Variants in RFWD3 observed in about 807,000 individuals in gnomAD.
RFWD3 encodes the protein ring finger and WD repeat domain 3, also known as E3 ubiquitin-protein ligase RFWD3.
In RFWD3, 65 loss-of-function variants were observed where a neutral mutation model predicts 87.7. That is an observed-to-expected ratio of 0.74 (90% CI 0.61 to 0.91). The LOEUF is 0.91. Ranked by LOEUF, RFWD3 falls within the 40% of genes least tolerant of loss-of-function variation. RFWD3 has a pLI of 0.00. For synonymous variants in RFWD3, 433 were observed against 352.8 expected, an observed-to-expected ratio of 1.23 and a Z score of -2.55; for missense variants, 1,078 against 938.5, an observed-to-expected ratio of 1.15 and a Z score of -1.94.
In RFWD3 at chr16:74,623,734, T is replaced by C. The variant is rs1958834176; in HGVS notation, c.*194A>G. The stretch of plus-strand genomic sequence containing the variant: ...TAGATAAAGTACCCATCAATTACTC[T>C]TTTAGTGGACATAACAGATACACAA... On this transcript the variant is annotated 3_prime_UTR_variant, in exon 13 of 13. Transcript: ENST00000361070. 3.6e-6 allele frequency: 2 copies of C among 551,256 alleles called. No individual in the cohort carries two copies. The highest frequency in any genetic ancestry group is 3.2e-6 in the Non-Finnish European group (1 of 315,568). The allele number at this position is 551,256 out of a possible 1,614,324, so 34.1% of individuals were successfully genotyped here.
At chr16:74,629,970 T>TTAAATGATAAATAATAATAATATGG (rs1351256759) in intron 10 of RFWD3, among the ~76,000 whole-genome samples, 1 of 152,184 alleles carries the variant, frequency 6.6e-6, no homozygotes, top group East Asian at 1.9e-4. Flanking sequence ...CATAACTGGA[T>TTAAATGATAAATAATAATAATATGG]TAAATGATAA....
intron 1 of RFWD3, among the ~76,000 whole-genome samples, chr16:74,663,996 CT>C (rs1597464120): frequency 6.6e-6 from 1 of 152,198 alleles, no homozygotes; most frequent in South Asian, 2.1e-4. Flanking sequence ...CCTTCTCCCC[CT>C]ATGCACGAGA....
At chr16:74,660,141 G>A (rs1961307271) in intron 2 of RFWD3, among the ~76,000 whole-genome samples, 6 of 152,166 alleles carry the variant, frequency 3.9e-5, no homozygotes, top group Admixed American at 3.9e-4. Flanking sequence ...AGAAAACAGG[G>A]CAGATCCAGG....
intron 10 of RFWD3, among the ~76,000 whole-genome samples, chr16:74,629,695 G>A (rs1162520906): frequency 2.0e-5 from 3 of 151,192 alleles, no homozygotes; most frequent in Admixed American, 6.6e-5. Flanking sequence ...ATATTTTACT[G>A]TCTACTCTAT....
At chr16:74,631,185 A>T (rs188838047) in intron 9 of RFWD3, among the ~76,000 whole-genome samples, 146 of 152,294 alleles carry the variant, frequency 9.6e-4, no homozygotes, top group Non-Finnish European at 1.7e-3. Context: ...TAAGGAAATA[A>T]AATAATAAAT....
rs1175256500 is a variant in RFWD3, at chr16:74,626,528, C to T, written c.1996G>A (p.Val666Met). 2 of 1,613,908 alleles carry T rather than the reference C, an allele frequency of 1.2e-6. No homozygotes were observed. Among genetic ancestry groups the T allele is most frequent in the East Asian group, 2.2e-5 (1 of 44,890 alleles). The change falls in exon 12 of 13, where the codon GTG (valine) becomes ATG (methionine). Residue 666 changes from valine to methionine, a missense_variant. Physicochemically the swap from Val to Met is conservative, Grantham distance 21. Transcript: ENST00000361070. Reference sequence around the variant, plus strand: ...AGTCGGTAGGACATTTCCATCAGCACACTTCGTATGGTGGTGTGATTTTTA... The same window carrying T: ...AGTCGGTAGGACATTTCCATCAGCATACTTCGTATGGTGGTGTGATTTTTA... ...PDKNHTTIRS[V>M]LMEMSYRLDD...
intron 4 of RFWD3, among the ~76,000 whole-genome samples, chr16:74,645,292 A>G (rs986276793): frequency 6.6e-6 from 1 of 152,218 alleles, no homozygotes; most frequent in Non-Finnish European, 1.5e-5. Context: ...TTATCCATGA[A>G]AATTAAAACA....
At position 74,622,473 on chromosome 16, in the gene RFWD3, A is replaced by T. The variant is rs1429081913; in HGVS notation, c.*1455T>A. On this transcript the variant is annotated 3_prime_UTR_variant, in exon 13 of 13. Transcript: ENST00000361070. ...AACATCTATTTCTACAAAAAAATTT[A>T]AAAAAGGAAAAAATTATGTCCTAAA... 2.0e-5 allele frequency: 3 copies of T among 152,202 alleles called. No individual in the cohort carries two copies. The highest frequency in any genetic ancestry group is 4.4e-5 in the Non-Finnish European group (3 of 68,036). The allele number at this position is 152,202 out of a possible 1,614,324, so 9.4% of individuals were successfully genotyped here.
intron 8 of RFWD3, among the ~76,000 whole-genome samples, chr16:74,635,733 T>C (rs936371668): frequency 6.6e-6 from 1 of 152,044 alleles, no homozygotes; most frequent in Non-Finnish European, 1.5e-5. Context: ...AGCAAAGGGG[T>C]CTTGCAGTTG....
rs765389214 is a variant in RFWD3, at chr16:74,651,900, A to C, written c.721+20T>G. ...CATGGATGTTAGCCTTGTGAGTCCA[A>C]ACCTGGGTAAAATACTGACCTTCTA... On this transcript the variant is annotated intron_variant, in intron 3 of 12. Transcript: ENST00000361070. 7.4e-6 allele frequency: 12 copies of C among 1,612,082 alleles called. No homozygotes were observed. The East Asian group carries it at 2.7e-4, about 36-fold the overall frequency.
chr16:74,642,315 G>C (rs182847929), intron 6 of RFWD3, among the ~76,000 whole-genome samples: 1 of 152,118 alleles, frequency 6.6e-6, no homozygotes, highest in African/African-American at 2.4e-5. Flanking sequence ...GTAAAGATGG[G>C]GTTTTGCCAT....
chr16:74,632,752 C>T, intron 8 of RFWD3, 79 bp from the exon 9 acceptor site: 1 of 1,299,970 alleles, frequency 7.7e-7, no homozygotes, highest in Non-Finnish European at 1.1e-6. Flanking sequence ...CAAGTAGCTC[C>T]TTCGTCCACC....
chr16:74,642,602 G>T (rs1451817678), intron 6 of RFWD3, among the ~76,000 whole-genome samples: 1 of 152,088 alleles, frequency 6.6e-6, no homozygotes, highest in Non-Finnish European at 1.5e-5. Context: ...CTGGGCTCAA[G>T]AAATCCTCTC....
intron 10 of RFWD3, among the ~76,000 whole-genome samples, chr16:74,629,390 G>A (rs1959023625): frequency 2.0e-5 from 3 of 152,192 alleles, no homozygotes; most frequent in South Asian, 2.1e-4. Flanking sequence ...TGGGCATGGT[G>A]GCTCACGCCT....
At chr16:74,666,249 C>T (rs1244939057) in intron 1 of RFWD3, 1 of 151,952 alleles carries the variant, frequency 6.6e-6, no homozygotes, top group African/African-American at 2.4e-5. Flanking sequence ...ATATTAAATC[C>T]CTGTTCTTTT....
intron 6 of RFWD3, among the ~76,000 whole-genome samples, chr16:74,638,569 G>A (rs1245409151): frequency 6.6e-6 from 1 of 152,074 alleles, no homozygotes; most frequent in African/African-American, 2.4e-5. Flanking sequence ...ACTCCAGTAA[G>A]ATATGCAAGA....
At position 74,623,910 on chromosome 16, in the gene RFWD3, A is replaced by G; in HGVS notation, c.*18T>C. On this transcript the variant is annotated 3_prime_UTR_variant, in exon 13 of 13. Transcript: ENST00000361070. ...AACATCTAACCAGCAGCATGCCTTC[A>G]AGGTTTCGAGACCACAGTCACTCCC... 1.2e-6 allele frequency: 2 copies of G among 1,613,528 alleles called. No individual in the cohort carries two copies. Among genetic ancestry groups the G allele is most frequent in the South Asian group, 1.1e-5 (1 of 91,004 alleles).
chr16:74,645,848 G>C (rs1183453238), intron 4 of RFWD3, among the ~76,000 whole-genome samples: 1 of 146,646 alleles, frequency 6.8e-6, no homozygotes, highest in Non-Finnish European at 1.5e-5. Flanking sequence ...CGCCTCCTGG[G>C]TTCACACCAT....
At chr16:74,643,830 T>C (rs766354757) in intron 6 of RFWD3, 10 of 164,254 alleles carry the variant, frequency 6.1e-5, no homozygotes, top group South Asian at 1.6e-4. Flanking sequence ...CGTCCGCCAC[T>C]ATGCCCGGCT....
Sources: gnomAD v4.1 joint callset for allele counts (sites outside exome capture counted in the v4.1 genomes callset) on GRCh38, gnomAD v4.1.1 for gene constraint, MANE v1.5 for transcripts, NCBI Gene and HGNC (gene_info 2026-07-23, HGNC 2026-07-21) for gene names.